The following PGBD5 variants were observed in gnomAD, a reference collection of about 807,000 sequenced individuals.
The protein encoded by PGBD5 is piggyBac transposable element derived 5.
A neutral mutation model predicts 47.9 loss-of-function variants in PGBD5; 14 were observed. The observed-to-expected ratio is 0.29, with a 90% CI of 0.19 to 0.46. The LOEUF is 0.46. PGBD5 is among the 20% of genes least tolerant of loss of function. PGBD5 has a pLI of 1.00. For missense variants in PGBD5, 635 were observed against 716.0 expected (o/e 0.89, Z 1.29); for synonymous variants, 316 against 306.3 (o/e 1.03, Z -0.33).
chr1:230,421,790 T>C (rs1186020091), intron 1 of PGBD5, among the ~76,000 whole-genome samples: 1 of 152,148 alleles, frequency 6.6e-6, no homozygotes, highest in Admixed American at 6.5e-5. Context: ...AAGTTCCTCC[T>C]GGAGCCACAG....
intron 5 of PGBD5, among the ~76,000 whole-genome samples, chr1:230,331,165 C>A (rs145769292): frequency 6.6e-6 from 1 of 152,256 alleles, no homozygotes; most frequent in East Asian, 1.9e-4. Flanking sequence ...GTACACCCAG[C>A]ACTTTGGGAG....
intron 1 of PGBD5, chr1:230,362,525 A>C: frequency 9.0e-7 from 1 of 1,111,278 alleles, no homozygotes. Flanking sequence ...TTCTGGGGGA[A>C]CCTCCTGACC....
At chr1:230,390,178 G>A (rs866689271) in intron 1 of PGBD5, among the ~76,000 whole-genome samples, 2 of 152,112 alleles carry the variant, frequency 1.3e-5, no homozygotes, top group African/African-American at 2.4e-5. Context: ...AATACCCCTC[G>A]CTCTGCCCAC....
At chr1:230,402,861 T>C (rs1158002727) in intron 1 of PGBD5, among the ~76,000 whole-genome samples, 1 of 152,244 alleles carries the variant, frequency 6.6e-6, no homozygotes, top group Non-Finnish European at 1.5e-5. Flanking sequence ...GCCAATGATA[T>C]GGTAGCTTTG....
rs1558192897 is a variant in PGBD5, at chr1:230,335,858, C to CACACAGGCACAAAG, written c.1075+1249_1075+1250insCTTTGTGCCTGTGT. ...ACATACACACACAGACACACAGATA[C>CACACAGGCACAAAG]ACACACAGATGCATACACGGACACA... On this transcript the variant is annotated intron_variant, in intron 4 of 6. Transcript: ENST00000391860. Among the ~76,000 whole-genome samples the CACACAGGCACAAAG allele has an allele frequency of 5.6e-5, 7 of 124,342 alleles. 3 individuals carry two copies. The highest frequency in any genetic ancestry group is 1.0e-4 in the Non-Finnish European group (6 of 59,144). The allele number at this position is 124,342 out of a possible 152,430, so 81.6% of individuals were successfully genotyped here.
At chr1:230,350,132 C>A (rs1667538916) in intron 3 of PGBD5, among the ~76,000 whole-genome samples, 1 of 152,206 alleles carries the variant, frequency 6.6e-6, no homozygotes, top group African/African-American at 2.4e-5. Flanking sequence ...CAAGCGAGGG[C>A]AGCAAGTGAG....
At position 230,317,552 on chromosome 1, in the gene PGBD5, CCAAGAA is replaced by C. The variant is rs1489736392; in HGVS notation, c.*5867_*5872del. On this transcript the variant is annotated 3_prime_UTR_variant, in exon 7 of 7. Coordinates refer to ENST00000391860, the MANE Select transcript of PGBD5 (RefSeq NM_001258311.2). Reference sequence around the variant, plus strand: ...ATGAATCAAAGACTAGCGAGACGCACCAAGAACAGAGGTGCGCTGCCGGGGGCTGAC... The same window carrying C: ...ATGAATCAAAGACTAGCGAGACGCACCAGAGGTGCGCTGCCGGGGGCTGAC... 1.3e-5 allele frequency: 2 copies of C among 152,186 alleles called. No homozygotes were observed. The highest frequency in any genetic ancestry group is 4.8e-5 in the African/African-American group (2 of 41,428). 9.4% of individuals were successfully genotyped at this position (152,186 alleles called of 1,614,324 possible). A position where few individuals can be genotyped will look rare whatever the true frequency, so the allele number is the denominator to read the frequency against.
intron 1 of PGBD5, among the ~76,000 whole-genome samples, chr1:230,369,921 T>C (rs1667900965): frequency 6.6e-6 from 1 of 151,906 alleles, no homozygotes; most frequent in East Asian, 1.9e-4. Flanking sequence ...AGGAAAAGGG[T>C]AGCTAGGATG....
chr1:230,326,704 G>C (rs1021225423), intron 5 of PGBD5, among the ~76,000 whole-genome samples: 4 of 152,042 alleles, frequency 2.6e-5, no homozygotes, highest in South Asian at 2.1e-4. Context: ...TCAAACTCCT[G>C]GCCTTATGTG....
chr1:230,405,804 T>C (rs568716925), intron 1 of PGBD5, among the ~76,000 whole-genome samples: 6 of 152,378 alleles, frequency 3.9e-5, no homozygotes, highest in African/African-American at 1.4e-4. Flanking sequence ...TTGATGCCTA[T>C]TTCAATGTTG....
chr1:230,321,078 C>G lies in PGBD5; in HGVS notation c.*2347G>C, dbSNP rs1377059753. On this transcript the variant is annotated 3_prime_UTR_variant, in exon 7 of 7. Transcript: ENST00000391860. ...CTCTTCCTGCTCATCTGGAATGACA[C>G]ACGACACAAACTAGAAGAAAAGAGG... is the stretch of plus-strand genomic sequence containing the variant. 6.6e-6 allele frequency: 1 copy of G among 152,202 alleles called. No individual in the cohort carries two copies. Among genetic ancestry groups the G allele is most frequent in the Non-Finnish European group, 1.5e-5 (1 of 68,036 alleles). The allele number at this position is 152,202 out of a possible 1,614,324, so 9.4% of individuals were successfully genotyped here.
chr1:230,323,355 G>C lies in PGBD5; in HGVS notation c.*70C>G. 1 of 1,541,470 alleles carries C rather than the reference G, an allele frequency of 6.5e-7. No individual in the cohort carries two copies. The highest frequency in any genetic ancestry group is 1.3e-5 in the South Asian group (1 of 79,760). On this transcript the variant is annotated 3_prime_UTR_variant, in exon 7 of 7. Transcript: ENST00000391860. The surrounding 1 kb of genome is among the most constrained non-coding windows in gnomAD (Gnocchi z 4.1). ...ACCAGGCCGTGTCCGGGTCTCTGAT[G>C]GGCAAGTTGGAACGGCAGGCTCTCC... is the stretch of plus-strand genomic sequence containing the variant.
chr1:230,414,443 T>C (rs149668956), intron 1 of PGBD5, among the ~76,000 whole-genome samples: 1 of 152,380 alleles, frequency 6.6e-6, no homozygotes, highest in East Asian at 1.9e-4. Flanking sequence ...TCAGAATGTT[T>C]GTATTTCTTC....
At chr1:230,364,699 G>T (rs1009084568) in intron 1 of PGBD5, among the ~76,000 whole-genome samples, 2 of 152,246 alleles carry the variant, frequency 1.3e-5, no homozygotes, top group Admixed American at 1.3e-4. Context: ...ATGAACCATA[G>T]AATAGTTGCA....
intron 4 of PGBD5, 67 bp downstream of exon 4, chr1:230,337,041 G>T: frequency 6.5e-7 from 1 of 1,548,166 alleles, no homozygotes; most frequent in Non-Finnish European, 8.8e-7. Context: ...ACCCCCACCT[G>T]GACCTCTCCC....
rs533271110 is a variant in PGBD5, at chr1:230,357,316, T to C, written c.337A>G (p.Thr113Ala). 6.4e-5 allele frequency: 103 copies of C among 1,612,772 alleles called. No homozygotes were observed. In the East Asian group the frequency reaches 2.1e-3, roughly 32 times the overall value. Reference protein sequence around the residue: ...PPRFEDTGGPTRKMPPSASAV... With the variant: ...PPRFEDTGGPARKMPPSASAV... ...CTGGCGCTGGGGGGCATCTTTCGGG[T>C]GGGACCTGAAACCCAAAGACAGGTG... Residue 113 changes from threonine (T) to alanine (A), a missense_variant, in exon 2 of 7, where the codon ACC becomes GCC. Transcript: ENST00000391860. The surrounding 1 kb of genome is among the most constrained non-coding windows in gnomAD (Gnocchi z 5.7).
At chr1:230,382,513 G>C (rs533289663) in intron 1 of PGBD5, among the ~76,000 whole-genome samples, 1 of 152,304 alleles carries the variant, frequency 6.6e-6, no homozygotes, top group South Asian at 2.1e-4. Flanking sequence ...CCTGATCTCA[G>C]GGAACTGGCT....
intron 1 of PGBD5, among the ~76,000 whole-genome samples, chr1:230,412,905 A>C (rs1157072373): frequency 6.6e-6 from 1 of 152,174 alleles, no homozygotes; most frequent in Non-Finnish European, 1.5e-5. Flanking sequence ...CACAACGACT[A>C]ATAAAAAGTC....
intron 3 of PGBD5, among the ~76,000 whole-genome samples, chr1:230,345,468 A>G (rs1667461856): frequency 6.6e-6 from 1 of 152,236 alleles, no homozygotes; most frequent in Admixed American, 6.5e-5. Flanking sequence ...AAACCTGGCT[A>G]GCTCCCATGC....
Sources: gnomAD v4.1 joint callset for allele counts (sites outside exome capture counted in the v4.1 genomes callset) on GRCh38, gnomAD v4.1.1 for gene constraint, Gnocchi (gnomAD v3.1) non-coding constraint, MANE v1.5 for transcripts, NCBI Gene and HGNC (gene_info 2026-07-23, HGNC 2026-07-21) for gene names.